The following UBE2G1 variants were observed in gnomAD, a reference collection of about 807,000 sequenced individuals.
UBE2G1 encodes the protein ubiquitin conjugating enzyme E2 G1.
Under a neutral mutation model 22.7 loss-of-function variants are expected in UBE2G1, and 5 were observed. The ratio of observed to expected loss-of-function variants is 0.22; its 90% CI spans 0.12 to 0.46. The LOEUF (loss-of-function observed/expected upper bound fraction) is 0.46, where lower values mean the gene tolerates loss of function less well. Among genes scored for constraint, UBE2G1 ranks in the 20% least tolerant of loss-of-function variants. The pLI is 0.99. For synonymous variants in UBE2G1, 74 were observed against 67.5 expected, an observed-to-expected ratio of 1.10 and a Z score of -0.47; for missense variants, 88 against 203.9, an observed-to-expected ratio of 0.43 and a Z score of 3.46.
At position 4,296,822 on chromosome 17, in the gene UBE2G1, A is replaced by G; in HGVS notation, c.150-8T>C. 1 of 1,610,536 alleles carries G rather than the reference A, an allele frequency of 6.2e-7. No individual in the cohort carries two copies. On this transcript the variant is annotated splice_polypyrimidine_tract_variant and splice_region_variant and intron_variant, in intron 2 of 5. Transcript: ENST00000396981. The stretch of plus-strand genomic sequence containing the variant: ...TTAAAAACACCACCTTCACTGGAAA[A>G]AAGAACAAAAAGAAGTTCTTGCCTA...
At chr17:4,279,020 A>T (rs1181023777) in intron 5 of UBE2G1, among the ~76,000 whole-genome samples, 1 of 152,228 alleles carries the variant, frequency 6.6e-6, no homozygotes, top group Non-Finnish European at 1.5e-5. Context: ...CATGCCTGTC[A>T]TCCCAGCACT....
intron 4 of UBE2G1, among the ~76,000 whole-genome samples, chr17:4,288,185 G>C (rs967313265): frequency 6.6e-6 from 1 of 152,122 alleles, no homozygotes; most frequent in Non-Finnish European, 1.5e-5. Context: ...TTTTTCTATA[G>C]ATGTGAAACT....
intron 1 of UBE2G1, among the ~76,000 whole-genome samples, chr17:4,349,747 GC>G (rs1969821556): frequency 6.6e-6 from 1 of 151,544 alleles, no homozygotes; most frequent in African/African-American, 2.4e-5. Flanking sequence ...GGAGGCTGAG[GC>G]AGAAGAATGG....
At position 4,271,029 on chromosome 17, in the gene UBE2G1, T is replaced by G. The variant is rs1010965512; in HGVS notation, c.*1525A>C. 1 of 152,232 alleles carries G rather than the reference T, an allele frequency of 6.6e-6. No individual in the cohort carries two copies. Among genetic ancestry groups the G allele is most frequent in the Non-Finnish European group, 1.5e-5 (1 of 68,062 alleles). 9.4% of individuals were successfully genotyped at this position (152,232 alleles called of 1,614,324 possible). Reference sequence around the variant, plus strand: ...CTACTGTCTCAAGTTCTATCCCTTATAAGCCAAAGACTACTTCCCACACAC... The same window carrying G: ...CTACTGTCTCAAGTTCTATCCCTTAGAAGCCAAAGACTACTTCCCACACAC... On this transcript the variant is annotated 3_prime_UTR_variant, in exon 6 of 6. Transcript: ENST00000396981.
At chr17:4,324,719 G>C (rs940203303) in intron 1 of UBE2G1, among the ~76,000 whole-genome samples, 1 of 152,094 alleles carries the variant, frequency 6.6e-6, no homozygotes, top group Non-Finnish European at 1.5e-5. Context: ...TGTCCAGCCA[G>C]TTAAATGATT....
At position 4,269,466 on chromosome 17, in the gene UBE2G1, T is replaced by C. The variant is rs1968724485; in HGVS notation, c.*3088A>G. Reference sequence around the variant, plus strand: ...GTACAAAAAAGGTAATTCCACCAACTGGAGACCAGACGGGCAAAGATACAC... The same window carrying C: ...GTACAAAAAAGGTAATTCCACCAACCGGAGACCAGACGGGCAAAGATACAC... On this transcript the variant is annotated 3_prime_UTR_variant, in exon 6 of 6. Coordinates refer to ENST00000396981, the MANE Select transcript of UBE2G1 (RefSeq NM_003342.5). 5.5e-6 allele frequency: 1 copy of C among 181,668 alleles called. No individual in the cohort carries two copies. The highest frequency in any genetic ancestry group is 1.2e-5 in the Non-Finnish European group (1 of 86,324). 11.3% of individuals were successfully genotyped at this position (181,668 alleles called of 1,614,324 possible).
intron 1 of UBE2G1, among the ~76,000 whole-genome samples, chr17:4,324,816 G>A (rs113871815): frequency 0.025 from 3,771 of 151,982 alleles, 145 homozygotes; most frequent in African/African-American, 0.086. Context: ...GGTGGCTCAC[G>A]CCCGTAATCC....
At position 4,312,826 on chromosome 17, in the gene UBE2G1, C is replaced by T. The variant is rs148680996; in HGVS notation, c.47-5703G>A. 2.9e-3 allele frequency among the ~76,000 whole-genome samples: 433 copies of T among 151,288 alleles called. 2 individuals are homozygous for T. Among genetic ancestry groups the T allele is most frequent in the African/African-American group, 9.9e-3 (407 of 41,206 alleles). ...AGGGAAGAAGGGGTCTATATTCAGTCCACTGGATTCAATTAAAAAAAAAAG... is the reference window on the plus strand; with the variant it reads ...AGGGAAGAAGGGGTCTATATTCAGTTCACTGGATTCAATTAAAAAAAAAAG... On this transcript the variant is annotated intron_variant, in intron 1 of 5. Coordinates refer to ENST00000396981, the MANE Select transcript of UBE2G1 (RefSeq NM_003342.5).
chr17:4,286,132 G>A (rs370371237), intron 4 of UBE2G1, among the ~76,000 whole-genome samples: 15 of 151,838 alleles, frequency 9.9e-5, no homozygotes, highest in East Asian at 7.7e-4. Context: ...AAACTGGGCC[G>A]GGTGGCTCAC....
chr17:4,290,664 G>C (rs1450155803), intron 3 of UBE2G1, among the ~76,000 whole-genome samples: 1 of 146,382 alleles, frequency 6.8e-6, no homozygotes, highest in African/African-American at 2.5e-5. Flanking sequence ...TTTTTTGGTA[G>C]AGATGGGGGT....
chr17:4,363,660 G>C (rs1969993521), intron 1 of UBE2G1, among the ~76,000 whole-genome samples: 1 of 151,914 alleles, frequency 6.6e-6, no homozygotes, highest in Non-Finnish European at 1.5e-5. Flanking sequence ...CATTATGTAA[G>C]AATTCAGAGA....
intron 1 of UBE2G1, among the ~76,000 whole-genome samples, chr17:4,309,444 A>G (rs1478179061): frequency 1.3e-5 from 2 of 152,250 alleles, no homozygotes; most frequent in African/African-American, 4.8e-5. Flanking sequence ...CTAATCTAAA[A>G]TACTTTTTAA....
intron 3 of UBE2G1, among the ~76,000 whole-genome samples, chr17:4,290,870 T>C (rs1283255409): frequency 1.3e-5 from 2 of 150,878 alleles, no homozygotes; most frequent in Non-Finnish European, 2.9e-5. Context: ...GCCCCTGCGC[T>C]GGCCGACAAA....
intron 4 of UBE2G1, among the ~76,000 whole-genome samples, chr17:4,285,024 T>C (rs1968946147): frequency 6.6e-6 from 1 of 151,930 alleles, no homozygotes; most frequent in Non-Finnish European, 1.5e-5. Flanking sequence ...TTTTGTATTT[T>C]TTGTAGATGG....
chr17:4,288,948 G>A (rs1269584730), intron 4 of UBE2G1, among the ~76,000 whole-genome samples: 1 of 152,078 alleles, frequency 6.6e-6, no homozygotes. Flanking sequence ...GCCAAGGCTG[G>A]AGGACCACTT....
intron 1 of UBE2G1, among the ~76,000 whole-genome samples, chr17:4,310,861 G>C (rs1349623197): frequency 1.3e-5 from 2 of 152,124 alleles, no homozygotes; most frequent in Admixed American, 6.6e-5. Context: ...ATTTAGAAGA[G>C]AATCAATCAA....
intron 2 of UBE2G1, among the ~76,000 whole-genome samples, chr17:4,299,379 C>T (rs942540841): frequency 4.0e-5 from 6 of 151,862 alleles, no homozygotes; most frequent in African/African-American, 1.5e-4. Flanking sequence ...AGCGTGGGTG[C>T]CAGAGTGAGA....
At chr17:4,318,865 T>C (rs189447430) in intron 1 of UBE2G1, among the ~76,000 whole-genome samples, 1 of 152,330 alleles carries the variant, frequency 6.6e-6, no homozygotes, top group African/African-American at 2.4e-5. Flanking sequence ...TAAGTTCATT[T>C]CAACCACCAA....
chr17:4,302,028 GAAC>G (rs928664523), intron 2 of UBE2G1: 11 of 487,932 alleles, frequency 2.3e-5, no homozygotes, highest in Middle Eastern at 3.5e-4. Flanking sequence ...CCTTCATAAA[GAAC>G]AACAACAACA....
Sources: gnomAD v4.1 joint callset for allele counts (sites outside exome capture counted in the v4.1 genomes callset) on GRCh38, gnomAD v4.1.1 for gene constraint, MANE v1.5 for transcripts, NCBI Gene and HGNC (gene_info 2026-07-23, HGNC 2026-07-21) for gene names.